POLI: variants seen among roughly 807,000 people sequenced by gnomAD.
POLI encodes the protein RAD30 homolog B.
In POLI, 58 loss-of-function variants were observed where a neutral mutation model predicts 51.6. That is an observed-to-expected ratio of 1.12 (90% confidence interval 0.91 to 1.40). POLI has a LOEUF of 1.40. POLI is among the 40% of genes most tolerant of loss of function. The pLI, the probability that POLI is intolerant of heterozygous loss-of-function variation, is 0.00. For missense variants in POLI, 921 were observed against 871.3 expected (o/e 1.06, Z -0.72); for synonymous variants, 322 against 299.7 (o/e 1.07, Z -0.77).
At chr18:54,299,080 C>T (rs1568154951), downstream of POLI, among the ~76,000 whole-genome samples, 1 of 152,216 alleles carries the variant, frequency 6.6e-6, no homozygotes, top group Non-Finnish European at 1.5e-5. Flanking sequence ...CTACCTCAGA[C>T]ATACTCAGAG....
At chr18:54,284,436 C>T (rs1010330267) in intron 7 of POLI, among the ~76,000 whole-genome samples, 1 of 152,182 alleles carries the variant, frequency 6.6e-6, no homozygotes, top group Non-Finnish European at 1.5e-5. Flanking sequence ...AATACAAATA[C>T]ATGCGAAATA....
At chr18:54,292,756 G>A (rs981572482) in intron 9 of POLI, among the ~76,000 whole-genome samples, 3 of 152,010 alleles carry the variant, frequency 2.0e-5, no homozygotes, top group African/African-American at 7.2e-5. Flanking sequence ...GTGAGAACAG[G>A]ATAGTGTATG....
At chr18:54,309,397 C>T (rs942538187) in intron 3 of POLI, among the ~76,000 whole-genome samples, 18 of 152,192 alleles carry the variant, frequency 1.2e-4, no homozygotes, top group Admixed American at 1.1e-3. Context: ...CCCTGTTTTC[C>T]TGGGTATCAC....
At chr18:54,285,992 G>A (rs963723857) in intron 7 of POLI, among the ~76,000 whole-genome samples, 1 of 151,626 alleles carries the variant, frequency 6.6e-6, no homozygotes, top group Non-Finnish European at 1.5e-5. Flanking sequence ...CACCTCAACC[G>A]CCAGAATAGC....
intron 3 of POLI, among the ~76,000 whole-genome samples, chr18:54,311,399 T>C (rs2088666742): frequency 6.6e-6 from 1 of 152,226 alleles, no homozygotes; most frequent in South Asian, 2.1e-4. Flanking sequence ...ATTGAATTAC[T>C]ATTGAAATTA....
intron 8 of POLI, among the ~76,000 whole-genome samples, chr18:54,290,910 G>A (rs760699751): frequency 6.6e-5 from 10 of 151,908 alleles, no homozygotes; most frequent in South Asian, 2.1e-4. Context: ...AAACTAACAC[G>A]GTACATGTAT....
intron 9 of POLI, 83 bp downstream of exon 9, chr18:54,292,121 C>T: frequency 1.2e-6 from 1 of 817,814 alleles, no homozygotes; most frequent in Admixed American, 2.3e-5. Flanking sequence ...AAGTGCTTGT[C>T]TTTTTGATAT....
chr18:54,297,648 A>C lies in POLI; in HGVS notation c.*3181A>C. ...TTGGGATCAGTTGGGTTTTCTATTT[A>C]ATCATATATTTTCCCTTTACTGATT... On this transcript the variant is annotated 3_prime_UTR_variant, in exon 10 of 10. Transcript: ENST00000579534. 1.0e-6 allele frequency: 1 copy of C among 979,750 alleles called. No homozygotes were observed. The allele number at this position is 979,750 out of a possible 1,614,324, so 60.7% of individuals were successfully genotyped here.
At chr18:54,288,278 T>C (rs776126459) in intron 8 of POLI, among the ~76,000 whole-genome samples, 2 of 152,330 alleles carry the variant, frequency 1.3e-5, no homozygotes, top group Non-Finnish European at 2.9e-5. Flanking sequence ...TTTGGTGTTA[T>C]ATGTAAAAAT....
At position 54,295,859 on chromosome 18, in the gene POLI, C is replaced by G; in HGVS notation, c.*1392C>G. ...GCCAGGCTGGTCTCGAACTCCTGGT[C>G]TCAGGTGATCCTCCACCTTGGCCTC... On this transcript the variant is annotated 3_prime_UTR_variant, in exon 10 of 10. Transcript: ENST00000579534. 1.8e-6 allele frequency: 1 copy of G among 548,830 alleles called. No homozygotes were observed. 34.0% of individuals were successfully genotyped at this position (548,830 alleles called of 1,614,324 possible). A position where few individuals can be genotyped will look rare whatever the true frequency, so the allele number is the denominator to read the frequency against.
chr18:54,282,274 T>G (rs1446001543), intron 5 of POLI, among the ~76,000 whole-genome samples: 1 of 152,144 alleles, frequency 6.6e-6, no homozygotes, highest in Non-Finnish European at 1.5e-5. Context: ...AAGACAGCAT[T>G]TATTGGCTGT....
At position 54,297,298 on chromosome 18, in the gene POLI, T is replaced by C. The variant is rs2088379759; in HGVS notation, c.*2831T>C. On this transcript the variant is annotated 3_prime_UTR_variant, in exon 10 of 10. Coordinates refer to ENST00000579534, the MANE Select transcript of POLI (RefSeq NM_007195.3). The stretch of plus-strand genomic sequence containing the variant: ...CAGCTCGAGTTTGTTGTTGTTTTTT[T>C]TTTTTCCTGTTTCTGTCTTGAATGT... 3 of 985,180 alleles carry C rather than the reference T, an allele frequency of 3.0e-6. No individual in the cohort carries two copies. Among genetic ancestry groups the C allele is most frequent in the Non-Finnish European group, 3.6e-6 (3 of 829,762 alleles). The allele number at this position is 985,180 out of a possible 1,614,324, so 61.0% of individuals were successfully genotyped here.
Position 54,294,584 on chromosome 18 carries a change from C to A in POLI, c.*117C>A. On this transcript the variant is annotated 3_prime_UTR_variant, in exon 10 of 10. Coordinates refer to ENST00000579534, the MANE Select transcript of POLI (RefSeq NM_007195.3). The stretch of plus-strand genomic sequence containing the variant: ...ATATTCAATAACGGAGTAAACTGTT[C>A]CAGATAAAGCAAGAATAGTTGCAAG... 2 of 1,334,920 alleles carry A rather than the reference C, an allele frequency of 1.5e-6. No homozygotes were observed. Among genetic ancestry groups the A allele is most frequent in the Non-Finnish European group, 1.9e-6 (2 of 1,047,004 alleles). The allele number at this position is 1,334,920 out of a possible 1,614,324, so 82.7% of individuals were successfully genotyped here.
rs1406228454 is a variant in POLI, at chr18:54,294,815, A to G, written c.*348A>G. The G allele has an allele frequency of 1.1e-6, 1 of 912,108 alleles. No homozygotes were observed. Among genetic ancestry groups the G allele is most frequent in the South Asian group, 5.1e-5 (1 of 19,698 alleles). The allele number at this position is 912,108 out of a possible 1,614,324, so 56.5% of individuals were successfully genotyped here. A position where few individuals can be genotyped will look rare whatever the true frequency, so the allele number is the denominator to read the frequency against. ...GTTGCAATGATATGGTAAAGGACAC[A>G]TTTTTTTTTTTTTTTTCCTGTGAAA... On this transcript the variant is annotated 3_prime_UTR_variant, in exon 10 of 10. Transcript: ENST00000579534.
At position 54,295,329 on chromosome 18, in the gene POLI, A is replaced by G. The variant is rs1163687956; in HGVS notation, c.*862A>G. 3.0e-6 allele frequency: 3 copies of G among 984,774 alleles called. No individual in the cohort carries two copies. The highest frequency in any genetic ancestry group is 1.7e-5 in the African/African-American group (1 of 57,250). 61.0% of individuals were successfully genotyped at this position (984,774 alleles called of 1,614,324 possible). ...TTAGGTTGTCATAACAACCACAAAT[A>G]TAGACCATTACTAAATTGGTGGATG... On this transcript the variant is annotated 3_prime_UTR_variant, in exon 10 of 10. Transcript: ENST00000579534.
chr18:54,281,033 T>A, intron 5 of POLI, 130 bp downstream of exon 5: 1 of 522,324 alleles, frequency 1.9e-6, no homozygotes, highest in Non-Finnish European at 3.3e-6. Context: ...TGTGTGTGTG[T>A]GTATACTTGG....
At position 54,287,480 on chromosome 18, in the gene POLI, A is replaced by T. The variant is rs551421881; in HGVS notation, c.1198+69A>T. 2.0e-4 allele frequency: 238 copies of T among 1,169,312 alleles called. 1 individual carries two copies. In the African/African-American group the frequency reaches 3.4e-3, roughly 17 times the overall value. 72.4% of individuals were successfully genotyped at this position (1,169,312 alleles called of 1,614,324 possible). A position where few individuals can be genotyped will look rare whatever the true frequency, so the allele number is the denominator to read the frequency against. On this transcript the variant is annotated intron_variant, in intron 8 of 9. Transcript: ENST00000579534. ...TTAAATAAGCCAACTTTGAATGAGA[A>T]ATATGCTCCAAAAATGGAGGGTCTT...
At chr18:54,271,205 G>A (rs2144427099) in intron 1 of POLI, 155 bp from the exon 2 acceptor site, 1 of 559,896 alleles carries the variant, frequency 1.8e-6, no homozygotes, top group South Asian at 3.0e-5. Context: ...GGAGTTTCAT[G>A]TCTTTGTAAT....
At chr18:54,316,644 T>A (rs190631722) in intron 3 of POLI, among the ~76,000 whole-genome samples, 86 of 152,212 alleles carry the variant, frequency 5.7e-4, no homozygotes, top group African/African-American at 2.0e-3. Context: ...ACCCCAAATA[T>A]GTGGTATTTA....
Sources: gnomAD v4.1 joint callset for allele counts (sites outside exome capture counted in the v4.1 genomes callset) on GRCh38, gnomAD v4.1.1 for gene constraint, MANE v1.5 for transcripts, NCBI Gene and HGNC (gene_info 2026-07-23, HGNC 2026-07-21) for gene names.